RTF2: variants seen among roughly 807,000 people sequenced by gnomAD.
RTF2 encodes the protein replication termination factor 2.
In RTF2, 18 loss-of-function variants were observed where a neutral mutation model predicts 38.0. That is an observed-to-expected ratio of 0.47 (90% CI 0.33 to 0.70). The LOEUF is 0.70. RTF2 is among the 30% of genes least tolerant of loss of function. The pLI is 0.02. For missense variants in RTF2, 311 were observed against 379.6 expected (o/e 0.82, Z 1.50); for synonymous variants, 126 against 137.1 (o/e 0.92, Z 0.57).
chr20:56,476,760 A>G (rs1481778623), intron 3 of RTF2, among the ~76,000 whole-genome samples: 1 of 152,062 alleles, frequency 6.6e-6, no homozygotes, highest in Non-Finnish European at 1.5e-5. Context: ...CGGCCTCCCA[A>G]AGTGCTGGGA....
intron 4 of RTF2, among the ~76,000 whole-genome samples, chr20:56,483,874 C>T (rs140540392): frequency 2.4e-4 from 37 of 152,090 alleles, no homozygotes; most frequent in African/African-American, 8.2e-4. Flanking sequence ...TCCCTGAGTT[C>T]CTGTTCTTTT....
chr20:56,487,608 C>T (rs891220611), intron 5 of RTF2, among the ~76,000 whole-genome samples: 1 of 152,230 alleles, frequency 6.6e-6, no homozygotes, highest in Non-Finnish European at 1.5e-5. Context: ...TACTTTTATA[C>T]TGTACATCAG....
chr20:56,468,787 C>T (rs754926358), intron 1 of RTF2, 21 bp downstream of exon 1: 1 of 1,557,752 alleles, frequency 6.4e-7, no homozygotes, highest in East Asian at 2.4e-5. Flanking sequence ...TGGGCCGGCT[C>T]TTGGCGACCG....
chr20:56,506,739 C>A (rs1343998549), intron 5 of RTF2, among the ~76,000 whole-genome samples: 1 of 151,832 alleles, frequency 6.6e-6, no homozygotes. Context: ...CTCGCTCTGT[C>A]GCCCAGGCTG....
intron 5 of RTF2, chr20:56,495,404 A>G (rs1330079480): frequency 2.3e-5 from 20 of 863,324 alleles, no homozygotes; most frequent in Non-Finnish European, 3.0e-5. Context: ...GAGGTAGTCA[A>G]TGAGAAAAGT....
chr20:56,505,322 C>CA (rs776112212), intron 5 of RTF2, among the ~76,000 whole-genome samples: 5 of 151,650 alleles, frequency 3.3e-5, no homozygotes, highest in Admixed American at 6.6e-5. Flanking sequence ...CCCGTCTCTA[C>CA]AAAAAATTCT....
At chr20:56,480,643 A>G (rs1348752669) in intron 4 of RTF2, among the ~76,000 whole-genome samples, 1 of 152,122 alleles carries the variant, frequency 6.6e-6, no homozygotes, top group Non-Finnish European at 1.5e-5. Context: ...CTAGCTTTTG[A>G]TTTAAAGTGA....
At chr20:56,516,611 C>A in intron 6 of RTF2, 1 of 404,574 alleles carries the variant, frequency 2.5e-6, no homozygotes, top group South Asian at 3.4e-5. Context: ...ACAGTTGTCA[C>A]CATCAACATT....
At chr20:56,506,399 A>G (rs1600827059) in intron 5 of RTF2, among the ~76,000 whole-genome samples, 1 of 150,698 alleles carries the variant, frequency 6.6e-6, no homozygotes, top group East Asian at 2.0e-4. Context: ...TAGGTCAGAG[A>G]TGCATGCAGT....
At chr20:56,488,501 T>C (rs1164800485) in intron 5 of RTF2, among the ~76,000 whole-genome samples, 1 of 152,158 alleles carries the variant, frequency 6.6e-6, no homozygotes, top group Non-Finnish European at 1.5e-5. Context: ...GTCAAAAATA[T>C]ATATACTCAC....
chr20:56,506,943 G>A lies in RTF2; in HGVS notation c.478-6372G>A, dbSNP rs372487137. ...TCTCGATCTCTTGACCTCGTGATCCGCCCGCCTCGGCCTTCCAAAGTACTG... is the reference window on the plus strand; with the variant it reads ...TCTCGATCTCTTGACCTCGTGATCCACCCGCCTCGGCCTTCCAAAGTACTG... On this transcript the variant is annotated intron_variant, in intron 5 of 8. Coordinates refer to ENST00000357348, the MANE Select transcript of RTF2 (RefSeq NM_016407.5). Among the ~76,000 whole-genome samples, 29 of 152,144 alleles carry A rather than the reference G, an allele frequency of 1.9e-4. 1 individual carries two copies. Among genetic ancestry groups the A allele is most frequent in the African/African-American group, 5.3e-4 (22 of 41,512 alleles).
intron 1 of RTF2, 114 bp from the exon 2 acceptor site, chr20:56,473,187 T>A: frequency 1.3e-6 from 1 of 787,116 alleles, no homozygotes; most frequent in South Asian, 1.6e-5. Flanking sequence ...ATCTTTGATT[T>A]AAAAAACAAA....
intron 5 of RTF2, among the ~76,000 whole-genome samples, chr20:56,495,805 A>G (rs144796433): frequency 9.4e-4 from 143 of 152,296 alleles, no homozygotes; most frequent in African/African-American, 3.2e-3. Context: ...CACACTCCCT[A>G]TAGAAGCCAG....
chr20:56,517,975 C>T, intron 8 of RTF2, 112 bp from the exon 9 acceptor site: 2 of 1,063,764 alleles, frequency 1.9e-6, no homozygotes, highest in Non-Finnish European at 2.8e-6. Context: ...ACTCACACAG[C>T]CAGCAAGAGA....
chr20:56,490,888 C>T (rs1035797291), intron 5 of RTF2, among the ~76,000 whole-genome samples: 2 of 152,170 alleles, frequency 1.3e-5, no homozygotes, highest in African/African-American at 4.8e-5. Flanking sequence ...CTTTTGTAGT[C>T]GCTCCAGCCA....
chr20:56,491,854 C>A lies in RTF2; in HGVS notation c.477+7665C>A, dbSNP rs184740296. On this transcript the variant is annotated intron_variant, in intron 5 of 8. Coordinates refer to ENST00000357348, the MANE Select transcript of RTF2 (RefSeq NM_016407.5). ...CATTTTATTCACACACAGAAAGTGG[C>A]GCATGCTCCGTCCGGTGTCAGTGGT... The A allele has an allele frequency of 1.7e-5, 19 of 1,135,758 alleles. 2 individuals are homozygous for A. The highest frequency in any genetic ancestry group is 5.1e-5 in the East Asian group (2 of 38,874). 70.4% of individuals were successfully genotyped at this position (1,135,758 alleles called of 1,614,324 possible).
At chr20:56,489,615 T>C (rs1982989054) in intron 5 of RTF2, among the ~76,000 whole-genome samples, 1 of 152,176 alleles carries the variant, frequency 6.6e-6, no homozygotes, top group Non-Finnish European at 1.5e-5. Flanking sequence ...TCAGCCATTC[T>C]TCTGAGCACT....
At chr20:56,513,942 G>T (rs1413037101) in intron 6 of RTF2, 1 of 154,614 alleles carries the variant, frequency 6.5e-6, no homozygotes, top group Non-Finnish European at 1.4e-5. Context: ...TGGCAGTCTG[G>T]GCTCCAGCAG....
At chr20:56,477,156 G>C (rs1216075902) in intron 4 of RTF2, 32 bp downstream of exon 4, 2 of 1,608,448 alleles carry the variant, frequency 1.2e-6, no homozygotes, top group Admixed American at 3.4e-5. Flanking sequence ...GATGATGTGG[G>C]AGGCTGGAGG....
Sources: allele counts gnomAD v4.1 joint callset (sites outside exome capture counted in the v4.1 genomes callset), GRCh38; gene constraint gnomAD v4.1.1; transcripts MANE v1.5; gene names NCBI Gene and HGNC (gene_info 2026-07-23, HGNC 2026-07-21).